Variants in NAA38 observed in about 807,000 individuals in gnomAD.
The protein encoded by NAA38 is N-alpha-acetyltransferase 38, NatC auxiliary subunit.
In NAA38, 15 loss-of-function variants were observed where a neutral mutation model predicts 12.6. The observed-to-expected ratio is 1.19, with a 90% CI of 0.79 to 1.83. The LOEUF (loss-of-function observed/expected upper bound fraction) is 1.83, where lower values mean the gene tolerates loss of function less well. NAA38 is among the 40% of genes most tolerant of loss of function. NAA38 has a pLI of 0.00. For synonymous variants in NAA38, 88 were observed against 69.9 expected (o/e 1.26, Z -1.29); for missense variants, 183 against 171.7 (o/e 1.07, Z -0.37).
chr17:7,859,383 T>TGG, upstream of NAA38: 1 of 1,612,854 alleles, frequency 6.2e-7, no homozygotes, highest in Non-Finnish European at 8.5e-7. Context: ...GTTCTCCAGG[T>TGG]GGGGGTTCTG....
At position 7,857,521 on chromosome 17, in the gene NAA38, G is replaced by A. The variant is rs2078837004; in HGVS notation, c.-58C>T. Reference sequence around the variant, plus strand: ...TCCTAAGCACCTTTCAGGTTGGGTGGTCCGAGATCTCGCGAGCGCTCCCGA... The same window carrying A: ...TCCTAAGCACCTTTCAGGTTGGGTGATCCGAGATCTCGCGAGCGCTCCCGA... On this transcript the variant is annotated 5_prime_UTR_variant, in exon 1 of 3. Coordinates refer to ENST00000575771, the MANE Select transcript of NAA38 (RefSeq NM_001320925.4). 1.4e-6 allele frequency: 2 copies of A among 1,474,218 alleles called. No homozygotes were observed. Among genetic ancestry groups the A allele is most frequent in the Non-Finnish European group, 1.8e-6 (2 of 1,115,208 alleles). 91.3% of individuals were successfully genotyped at this position (1,474,218 alleles called of 1,614,324 possible).
chr17:7,882,693 AAAAG>A (rs1967296731), intron 2 of NAA38, among the ~76,000 whole-genome samples: 1 of 152,238 alleles, frequency 6.6e-6, no homozygotes, highest in African/African-American at 2.4e-5. Context: ...GGTTAAAAAA[AAAAG>A]AGATGGAAAC....
chr17:7,867,495 C>T (rs1448519367), intron 2 of NAA38, among the ~76,000 whole-genome samples: 1 of 152,026 alleles, frequency 6.6e-6, no homozygotes, highest in Non-Finnish European at 1.5e-5. Context: ...TGCACCACCA[C>T]ACCCGGCTAA....
At chr17:7,877,572 T>G (rs990519808) in intron 2 of NAA38, among the ~76,000 whole-genome samples, 1 of 152,178 alleles carries the variant, frequency 6.6e-6, no homozygotes, top group African/African-American at 2.4e-5. Context: ...TCCTTACTGT[T>G]GGAGATTTAG....
intron 3 of NAA38, chr17:7,865,567 T>C (rs1966949278): frequency 6.6e-6 from 1 of 152,130 alleles, no homozygotes; most frequent in Non-Finnish European, 1.5e-5. Flanking sequence ...ACAGGGCAGT[T>C]TGGGCTTCCT....
chr17:7,858,047 G>T, upstream of NAA38: 1 of 1,560,700 alleles, frequency 6.4e-7, no homozygotes, highest in Middle Eastern at 2.3e-4. Context: ...CTCGGCTCCC[G>T]GACGCGACGG....
At chr17:7,873,842 T>G (rs1180677073) in intron 2 of NAA38, among the ~76,000 whole-genome samples, 1 of 152,222 alleles carries the variant, frequency 6.6e-6, no homozygotes, top group African/African-American at 2.4e-5. Flanking sequence ...TCCATTATGA[T>G]ATTAAAATGA....
At chr17:7,866,597 C>T (rs1342598972) in intron 2 of NAA38, 4 of 1,012,094 alleles carry the variant, frequency 4.0e-6, no homozygotes, top group Non-Finnish European at 3.8e-6. Context: ...AGCCTTCCTA[C>T]ATGCTGTTCC....
chr17:7,860,095 G>A (rs74578237), upstream of NAA38: 6 of 174,512 alleles, frequency 3.4e-5, no homozygotes, highest in South Asian at 4.8e-4. Flanking sequence ...AAGGAAGTGC[G>A]TCATTATAGG....
Position 7,856,755 on chromosome 17 carries a change from A to T in NAA38, c.354T>A (p.Ser118Arg). ...GTCAGAGATACGGAGGCCCGGTCAG[A>T]CTCTCCCTCTGCACCTCAATGGAAA... ...HIVSIEVQRE[S>R]LTGPPYL The change falls in exon 3 of 3, where the codon AGT becomes AGA. Residue 118 changes from serine to arginine, a missense_variant. By Grantham distance (110) the Ser-to-Arg change is moderately radical (BLOSUM62 -1). Coordinates refer to ENST00000575771, the MANE Select transcript of NAA38 (RefSeq NM_001320925.4). The T allele has an allele frequency of 6.2e-7, 1 of 1,613,230 alleles. No homozygotes were observed. The highest frequency in any genetic ancestry group is 1.1e-5 in the South Asian group (1 of 91,022).
chr17:7,857,209 T>A lies in NAA38; in HGVS notation c.82-11A>T, dbSNP rs1421795844. ...CTCTCCGTCCGAATCCTGCGCGGGGTGTAACAAGCGCTCAGACCGCGCAGC... is the reference window on the plus strand; with the variant it reads ...CTCTCCGTCCGAATCCTGCGCGGGGAGTAACAAGCGCTCAGACCGCGCAGC... On this transcript the variant is annotated splice_polypyrimidine_tract_variant and intron_variant, in intron 1 of 2. Coordinates refer to ENST00000575771, the MANE Select transcript of NAA38 (RefSeq NM_001320925.4). 6.2e-7 allele frequency: 1 copy of A among 1,612,632 alleles called. No individual in the cohort carries two copies. Among genetic ancestry groups the A allele is most frequent in the Non-Finnish European group, 8.5e-7 (1 of 1,179,900 alleles).
At chr17:7,883,813 C>G (rs1436475166) in intron 1 of NAA38, among the ~76,000 whole-genome samples, 1 of 151,622 alleles carries the variant, frequency 6.6e-6, no homozygotes, top group Admixed American at 6.6e-5. Context: ...TCACATCAAA[C>G]CACTCCCTTC....
At chr17:7,857,917 G>A (rs1342058446), upstream of NAA38, 7 of 1,420,708 alleles carry the variant, frequency 4.9e-6, no homozygotes, top group Non-Finnish European at 5.5e-6. Flanking sequence ...GCCCCACGCG[G>A]GACTCATACT....
chr17:7,857,923 ATAC>A (rs2078844042), upstream of NAA38: 5 of 1,425,358 alleles, frequency 3.5e-6, no homozygotes, highest in East Asian at 1.3e-4. Flanking sequence ...CGCGGGACTC[ATAC>A]TACGTTTCCC....
intron 2 of NAA38, among the ~76,000 whole-genome samples, chr17:7,873,922 C>G (rs1292825883): frequency 6.6e-6 from 1 of 152,070 alleles, no homozygotes; most frequent in Non-Finnish European, 1.5e-5. Context: ...CTGTGGAGAA[C>G]TAAAAGAAAG....
At chr17:7,870,481 A>AG (rs889932189) in intron 2 of NAA38, among the ~76,000 whole-genome samples, 1 of 152,158 alleles carries the variant, frequency 6.6e-6, no homozygotes, top group African/African-American at 2.4e-5. Flanking sequence ...AAAACAAAAA[A>AG]TCTTTTAATC....
At chr17:7,874,698 C>CA (rs1446196913) in intron 2 of NAA38, among the ~76,000 whole-genome samples, 2 of 151,332 alleles carry the variant, frequency 1.3e-5, no homozygotes, top group African/African-American at 4.9e-5. Flanking sequence ...CCAGCCTGGC[C>CA]AACATGGTGA....
At chr17:7,878,126 T>C (rs1967207117) in intron 2 of NAA38, among the ~76,000 whole-genome samples, 1 of 152,156 alleles carries the variant, frequency 6.6e-6, no homozygotes, top group Admixed American at 6.5e-5. Flanking sequence ...ATAATTACAG[T>C]ATCAAATTAA....
intron 2 of NAA38, among the ~76,000 whole-genome samples, chr17:7,868,281 G>C (rs1427084216): frequency 6.6e-6 from 1 of 152,152 alleles, no homozygotes; most frequent in African/African-American, 2.4e-5. Context: ...AGAGAGGGGA[G>C]CGGCCAACAG....
Sources: gnomAD v4.1 joint callset for allele counts (sites outside exome capture counted in the v4.1 genomes callset) on GRCh38, gnomAD v4.1.1 for gene constraint, MANE v1.5 for transcripts, NCBI Gene and HGNC (gene_info 2026-07-23, HGNC 2026-07-21) for gene names.